AATF: variants seen among roughly 807,000 people sequenced by gnomAD.
AATF encodes protein AATF.
A neutral mutation model predicts 63.7 loss-of-function variants in AATF; 48 were observed. That is an observed-to-expected ratio of 0.75 (90% confidence interval 0.60 to 0.96). The LOEUF (loss-of-function observed/expected upper bound fraction) is 0.96, where lower values mean the gene tolerates loss of function less well. Ranked by LOEUF, AATF falls within the 40% of genes least tolerant of loss-of-function variation. AATF has a pLI of 0.00. For synonymous variants in AATF, 258 were observed against 247.7 expected (o/e 1.04, Z -0.39); for missense variants, 639 against 685.7 (o/e 0.93, Z 0.76).
rs2071186526 is a variant in AATF, at chr17:36,988,525, G to A, written c.954G>A (p.Glu318=). Residue 318 remains glutamate, a synonymous_variant, in exon 6 of 12, where the codon GAG becomes GAA. Coordinates refer to ENST00000619387, the MANE Select transcript of AATF (RefSeq NM_012138.4). ...DGTKPNAGSE[E]ISSEDDELVE... The stretch of plus-strand genomic sequence containing the variant: ...ATTCTTACTGCTTTTCTAGTGAGGA[G>A]ATTTCTAGTGAAGATGATGAGCTGG... 3 of 1,613,846 alleles carry A rather than the reference G, an allele frequency of 1.9e-6. No homozygotes were observed. Among genetic ancestry groups the A allele is most frequent in the East Asian group, 4.5e-5 (2 of 44,898 alleles).
chr17:37,046,858 G>A (rs905644486), intron 11 of AATF, among the ~76,000 whole-genome samples: 1 of 152,036 alleles, frequency 6.6e-6, no homozygotes, highest in Non-Finnish European at 1.5e-5. Context: ...CTGTGCGGCT[G>A]GGGGAAGTGA....
chr17:36,957,524 A>T (rs572429064), intron 4 of AATF, among the ~76,000 whole-genome samples: 10 of 152,348 alleles, frequency 6.6e-5, no homozygotes, highest in African/African-American at 2.4e-4. Flanking sequence ...ATAGTTTACT[A>T]ATACTTACAA....
Position 36,953,007 on chromosome 17 carries a change from G to GCAGA in AATF, c.405_406insCAGA (p.Ser136GlnfsTer22). The GCAGA allele has an allele frequency of 6.2e-7, 1 of 1,614,210 alleles. No individual in the cohort carries two copies. The highest frequency in any genetic ancestry group is 1.7e-5 in the Admixed American group (1 of 60,018). On this transcript the variant is annotated frameshift_variant, in exon 3 of 12. Transcript: ENST00000619387. LOFTEE classifies it high-confidence loss of function. The stretch of plus-strand genomic sequence containing the variant: ...AACAGGAGTGTGGTGATCACAGGGA[G>GCAGA]AGCAAGAAGAGCAGAAGCCACTCTG...
At chr17:37,027,307 G>T (rs551197237) in intron 10 of AATF, among the ~76,000 whole-genome samples, 5 of 152,098 alleles carry the variant, frequency 3.3e-5, no homozygotes, top group South Asian at 4.2e-4. Context: ...GTGTTGGTCT[G>T]TTCTTCCACA....
At chr17:37,028,373 G>A (rs1316860696) in intron 10 of AATF, among the ~76,000 whole-genome samples, 2 of 152,150 alleles carry the variant, frequency 1.3e-5, no homozygotes, top group African/African-American at 4.8e-5. Context: ...GGTCAAGGCT[G>A]TAGTGAGCCG....
At chr17:37,033,504 C>G (rs987689035) in intron 11 of AATF, among the ~76,000 whole-genome samples, 1 of 152,148 alleles carries the variant, frequency 6.6e-6, no homozygotes, top group Non-Finnish European at 1.5e-5. Context: ...TTACTTGAAT[C>G]CCTTGAGGTG....
intron 8 of AATF, among the ~76,000 whole-genome samples, chr17:36,991,419 G>C (rs1488374902): frequency 6.6e-6 from 1 of 152,092 alleles, no homozygotes; most frequent in Non-Finnish European, 1.5e-5. Context: ...ATATAGTCCA[G>C]TTCTCAATAT....
intron 8 of AATF, among the ~76,000 whole-genome samples, chr17:37,005,903 A>G (rs2071337487): frequency 6.6e-6 from 1 of 152,114 alleles, no homozygotes; most frequent in Non-Finnish European, 1.5e-5. Flanking sequence ...CAAGGTGGGA[A>G]GATTGCTTGA....
intron 4 of AATF, among the ~76,000 whole-genome samples, chr17:36,964,949 T>C (rs2070979868): frequency 6.6e-6 from 1 of 152,206 alleles, no homozygotes; most frequent in African/African-American, 2.4e-5. Flanking sequence ...CTCTCTTTTG[T>C]TATCTCAGTT....
intron 8 of AATF, among the ~76,000 whole-genome samples, chr17:37,008,544 A>G (rs1291714234): frequency 6.6e-6 from 1 of 152,214 alleles, no homozygotes; most frequent in Non-Finnish European, 1.5e-5. Context: ...AGCCTATTTC[A>G]TAGATAAAAG....
chr17:36,961,905 C>A (rs879256773), intron 4 of AATF, among the ~76,000 whole-genome samples: 1 of 152,130 alleles, frequency 6.6e-6, no homozygotes, highest in Non-Finnish European at 1.5e-5. Flanking sequence ...GAACTCCTGA[C>A]CTCAGGTAAT....
intron 10 of AATF, among the ~76,000 whole-genome samples, chr17:37,022,136 G>GTGTA (rs974640631): frequency 5.4e-5 from 8 of 149,374 alleles, no homozygotes; most frequent in Middle Eastern, 3.4e-3. Flanking sequence ...GTGTGTGTGT[G>GTGTA]TGTGTGTGTG....
At chr17:36,981,181 A>G (rs770879608) in intron 4 of AATF, among the ~76,000 whole-genome samples, 87 of 152,348 alleles carry the variant, frequency 5.7e-4, no homozygotes, top group Non-Finnish European at 1.2e-3. Context: ...TGACTTGAAC[A>G]ACATAAAAAG....
chr17:37,009,746 A>G (rs1003955339), intron 8 of AATF, among the ~76,000 whole-genome samples: 5 of 141,118 alleles, frequency 3.5e-5, no homozygotes, highest in Admixed American at 7.4e-5. Flanking sequence ...GAATCCGGGA[A>G]GCGGAGCTTG....
chr17:36,958,814 CA>C (rs1229441407), intron 4 of AATF, among the ~76,000 whole-genome samples: 1 of 152,068 alleles, frequency 6.6e-6, no homozygotes, highest in African/African-American at 2.4e-5. Context: ...AAAATTATAC[CA>C]TAATCTCATG....
chr17:37,005,288 G>T (rs1010019548), intron 8 of AATF, among the ~76,000 whole-genome samples: 1 of 152,144 alleles, frequency 6.6e-6, no homozygotes, highest in African/African-American at 2.4e-5. Context: ...AGTTCAGGGT[G>T]TATATCAGGG....
At chr17:37,043,780 A>T (rs1235140711) in intron 11 of AATF, among the ~76,000 whole-genome samples, 2 of 152,106 alleles carry the variant, frequency 1.3e-5, no homozygotes, top group Non-Finnish European at 2.9e-5. Flanking sequence ...ATGCAGTGCC[A>T]CCCTGGGAAG....
chr17:36,980,222 T>C (rs1176661884), intron 4 of AATF: 1 of 152,196 alleles, frequency 6.6e-6, no homozygotes, highest in Non-Finnish European at 1.5e-5. Context: ...CAGTGTCAGT[T>C]GAAATACAGG....
At chr17:37,003,471 C>CTTTTTTTTTTTTTTTTTTT in intron 8 of AATF, among the ~76,000 whole-genome samples, 1 of 96,646 alleles carries the variant, frequency 1.0e-5, no homozygotes, top group Non-Finnish European at 1.9e-5. Context: ...TTGACAAGAA[C>CTTTTTTTTTTTTTTTTTTT]TTTTTTTTTT....
Sources: gnomAD v4.1 joint callset for allele counts (sites outside exome capture counted in the v4.1 genomes callset) on GRCh38, gnomAD v4.1.1 for gene constraint, MANE v1.5 for transcripts, NCBI Gene and HGNC (gene_info 2026-07-23, HGNC 2026-07-21) for gene names.